CPEB3: variants seen among roughly 807,000 people sequenced by gnomAD.
CPEB3 encodes the protein cytoplasmic polyadenylation element-binding protein 3.
CPEB3 carries 20 observed loss-of-function variants against 67.2 expected under a neutral mutation model. The ratio of observed to expected loss-of-function variants is 0.30; its 90% CI spans 0.21 to 0.43. The LOEUF is 0.43. Among genes scored for constraint, CPEB3 ranks in the 20% least tolerant of loss-of-function variants. The probability of loss-of-function intolerance (pLI) is 1.00; values close to 1 mark genes in which losing one functional copy is unlikely to be tolerated. For synonymous variants in CPEB3, 376 were observed against 393.1 expected (o/e 0.96, Z 0.51); for missense variants, 746 against 968.6 (o/e 0.77, Z 3.05).
intron 7 of CPEB3, among the ~76,000 whole-genome samples, chr10:92,093,190 G>A (rs530852363): frequency 2.6e-5 from 4 of 152,120 alleles, no homozygotes; most frequent in Admixed American, 6.5e-5. Context: ...TCTGAGAAGC[G>A]GGCTGGGTGC....
intron 1 of CPEB3, among the ~76,000 whole-genome samples, chr10:92,273,834 A>G (rs1044279148): frequency 4.6e-5 from 7 of 152,146 alleles, no homozygotes; most frequent in Admixed American, 3.3e-4. Flanking sequence ...AAAGGCTGAC[A>G]CTTTTCCTTG....
intron 2 of CPEB3, among the ~76,000 whole-genome samples, chr10:92,236,491 TA>T (rs1364084753): frequency 6.6e-6 from 1 of 152,220 alleles, no homozygotes; most frequent in Non-Finnish European, 1.5e-5. Context: ...CTCATGCCTG[TA>T]ATCCCAGCAC....
At position 92,047,295 on chromosome 10, in the gene CPEB3, C is replaced by A. The variant is rs1191419408; in HGVS notation, c.*4917G>T. ...AAAAAACAAATGTTAGCTGACATAC[C>A]ATACAAGCTAGTGAAAAGCAACAAT... On this transcript the variant is annotated 3_prime_UTR_variant, in exon 10 of 10. Coordinates refer to ENST00000265997, the MANE Select transcript of CPEB3 (RefSeq NM_014912.5). 6.6e-6 allele frequency: 1 copy of A among 151,894 alleles called. No individual in the cohort carries two copies. Among genetic ancestry groups the A allele is most frequent in the Admixed American group, 6.6e-5 (1 of 15,230 alleles). 9.4% of individuals were successfully genotyped at this position (151,894 alleles called of 1,614,324 possible). A position where few individuals can be genotyped will look rare whatever the true frequency, so the allele number is the denominator to read the frequency against.
rs1006900512 is a variant in CPEB3 at position 92,195,884 on chromosome 10, C to A, written c.1006-3248G>T. Among the ~76,000 whole-genome samples, 3 of 152,122 alleles carry A rather than the reference C, an allele frequency of 2.0e-5. No individual in the cohort carries two copies. The East Asian group carries it at 5.8e-4, about 29-fold the overall frequency. The stretch of plus-strand genomic sequence containing the variant: ...ATCTGGCCAAAGAAATTATTTAAAT[C>A]CATGGTTACTTCTATAGAAAAACAG... On this transcript the variant is annotated intron_variant, in intron 2 of 9. Transcript: ENST00000265997.
At chr10:92,142,782 C>T (rs1377552748) in intron 6 of CPEB3, among the ~76,000 whole-genome samples, 3 of 152,170 alleles carry the variant, frequency 2.0e-5, no homozygotes, top group South Asian at 2.1e-4. Flanking sequence ...TAGCAGGAGG[C>T]TCATCCACAA....
chr10:92,273,736 G>A (rs1853399591), intron 1 of CPEB3, among the ~76,000 whole-genome samples: 2 of 152,072 alleles, frequency 1.3e-5, no homozygotes, highest in Admixed American at 6.6e-5. Flanking sequence ...CAGAGGGTGA[G>A]GGTAAGGAAA....
At chr10:92,118,696 C>T (rs1241785953) in intron 6 of CPEB3, 16 of 708,704 alleles carry the variant, frequency 2.3e-5, no homozygotes, top group Non-Finnish European at 3.9e-5. Context: ...GACATTGCCT[C>T]CGAGCCCACT....
chr10:92,071,803 G>C (rs1309727643), intron 9 of CPEB3, among the ~76,000 whole-genome samples: 2 of 151,226 alleles, frequency 1.3e-5, no homozygotes, highest in Non-Finnish European at 2.9e-5. Flanking sequence ...CCACATAAAA[G>C]AATTACCCAT....
intron 9 of CPEB3, among the ~76,000 whole-genome samples, chr10:92,057,123 G>C (rs1469254436): frequency 3.3e-5 from 5 of 152,192 alleles, no homozygotes; most frequent in Non-Finnish European, 7.3e-5. Context: ...TCAGGTACCA[G>C]TACGGCCACA....
intron 1 of CPEB3, among the ~76,000 whole-genome samples, chr10:92,252,993 A>G (rs929304901): frequency 2.0e-5 from 3 of 152,000 alleles, no homozygotes; most frequent in African/African-American, 7.3e-5. Flanking sequence ...GTGTGATGAC[A>G]GCTCACTGCA....
intron 1 of CPEB3, among the ~76,000 whole-genome samples, chr10:92,257,383 CTCGCAGGCTCAAGT>C (rs1475741914): frequency 6.6e-6 from 1 of 152,172 alleles, no homozygotes; most frequent in Non-Finnish European, 1.5e-5. Flanking sequence ...CAGCCTCAAC[CTCGCAGGCTCAAGT>C]GATCCTCCTG....
intron 1 of CPEB3, among the ~76,000 whole-genome samples, chr10:92,242,317 A>T (rs1245654835): frequency 6.6e-6 from 1 of 152,196 alleles, no homozygotes; most frequent in African/African-American, 2.4e-5. Flanking sequence ...CTACCAATAA[A>T]ATCTATTTAA....
At chr10:92,169,224 C>T (rs1304391421) in intron 4 of CPEB3, among the ~76,000 whole-genome samples, 2 of 147,624 alleles carry the variant, frequency 1.4e-5, no homozygotes, top group African/African-American at 5.0e-5. Context: ...CTGCAACCTC[C>T]ACCTCCCAGG....
At chr10:92,217,483 T>C (rs930965272) in intron 2 of CPEB3, among the ~76,000 whole-genome samples, 2 of 151,932 alleles carry the variant, frequency 1.3e-5, no homozygotes, top group African/African-American at 2.4e-5. Flanking sequence ...ATTAACAAGC[T>C]GGGCGTGGTG....
At chr10:92,216,579 G>C in intron 2 of CPEB3, 1 of 1,611,396 alleles carries the variant, frequency 6.2e-7, no homozygotes, top group Admixed American at 1.7e-5. Context: ...GTTTTGGCAG[G>C]AGACACACTG....
intron 1 of CPEB3, among the ~76,000 whole-genome samples, chr10:92,257,209 AACTG>A (rs1211527884): frequency 2.0e-5 from 3 of 152,266 alleles, no homozygotes; most frequent in African/African-American, 4.8e-5. Flanking sequence ...CTATTTTCCA[AACTG>A]ACTGTTTCCT....
chr10:92,133,087 C>T (rs1160796479), intron 6 of CPEB3, among the ~76,000 whole-genome samples: 2 of 152,032 alleles, frequency 1.3e-5, no homozygotes, highest in Non-Finnish European at 2.9e-5. Flanking sequence ...AATCAACACC[C>T]TAACATCACA....
chr10:92,118,863 G>A, intron 6 of CPEB3: 1 of 802,068 alleles, frequency 1.2e-6, no homozygotes, highest in South Asian at 1.3e-5. Flanking sequence ...ATGGCCATCT[G>A]CCACCATGAC....
At chr10:92,064,350 G>C (rs1403697333) in intron 9 of CPEB3, among the ~76,000 whole-genome samples, 2 of 152,212 alleles carry the variant, frequency 1.3e-5, no homozygotes, top group Non-Finnish European at 2.9e-5. Context: ...GTGAGAAGTA[G>C]TATGGGGGCT....
Sources: gnomAD v4.1 joint callset for allele counts (sites outside exome capture counted in the v4.1 genomes callset) on GRCh38, gnomAD v4.1.1 for gene constraint, MANE v1.5 for transcripts, NCBI Gene and HGNC (gene_info 2026-07-23, HGNC 2026-07-21) for gene names.